ATF2: variants seen among roughly 807,000 people sequenced by gnomAD.
ATF2 encodes activating transcription factor 2, also known as cyclic AMP-dependent transcription factor ATF-2.
ATF2 carries 24 observed loss-of-function variants against 60.6 expected under a neutral mutation model. The ratio of observed to expected loss-of-function variants is 0.40; its 90% confidence interval spans 0.29 to 0.56. The LOEUF is 0.56. ATF2 is among the 20% of genes least tolerant of loss of function. ATF2 has a pLI of 0.54. For synonymous variants in ATF2, 206 were observed against 215.4 expected (o/e 0.96, Z 0.38); for missense variants, 433 against 607.7 (o/e 0.71, Z 3.02).
intron 1 of ATF2, among the ~76,000 whole-genome samples, chr2:175,154,074 T>C (rs7355452): frequency 0.26 from 38,779 of 150,328 alleles, 5,928 homozygotes; most frequent in African/African-American, 0.44. Context: ...AATTAGCCGG[T>C]GTGGTGGCAC....
At chr2:175,135,730 T>A (rs1157181099) in intron 3 of ATF2, among the ~76,000 whole-genome samples, 2 of 152,112 alleles carry the variant, frequency 1.3e-5, no homozygotes, top group Non-Finnish European at 2.9e-5. Flanking sequence ...AAAAGACATC[T>A]CTGAGTCAGG....
At position 175,114,852 on chromosome 2, in the gene ATF2, T is replaced by G. The variant is rs991793157; in HGVS notation, c.464A>C (p.Gln155Pro). The G allele has an allele frequency of 6.2e-7, 1 of 1,613,174 alleles. No individual in the cohort carries two copies. The highest frequency in any genetic ancestry group is 1.7e-5 in the Admixed American group (1 of 59,954). ...AATAGCTGATGTGGGCTGTGCAGTT[T>G]GTGCCAATGGTACTTCCTATTTAAC... ...TSDEKEVPLA[Q>P]TAQPTSAIVR... The change falls in exon 8 of 14, where the codon CAA (glutamine) becomes CCA (proline). Residue 155 changes from glutamine (Q) to proline (P), a missense_variant. Transcript: ENST00000264110.
chr2:175,113,306 A>G (rs1393797363), intron 9 of ATF2, among the ~76,000 whole-genome samples: 2 of 148,926 alleles, frequency 1.3e-5, no homozygotes, highest in Admixed American at 6.7e-5. Flanking sequence ...TTGCCCTGTC[A>G]TCCAGGCAGG....
chr2:175,121,838 T>C (rs1696975741), intron 4 of ATF2, among the ~76,000 whole-genome samples: 1 of 151,754 alleles, frequency 6.6e-6, no homozygotes, highest in African/African-American at 2.4e-5. Flanking sequence ...TTCTTATGGA[T>C]ACTAAAAATA....
At chr2:175,156,481 T>C (rs1699697292) in intron 1 of ATF2, among the ~76,000 whole-genome samples, 1 of 151,664 alleles carries the variant, frequency 6.6e-6, no homozygotes, top group South Asian at 2.1e-4. Flanking sequence ...GCTGAGAACT[T>C]TCTCCATCTG....
intron 13 of ATF2, 133 bp from the exon 14 acceptor site, chr2:175,074,968 A>T: frequency 1.3e-6 from 2 of 1,523,386 alleles, no homozygotes. Context: ...TATTACAGCA[A>T]TTGATATAGG....
chr2:175,102,142 G>C (rs951110254), intron 10 of ATF2, among the ~76,000 whole-genome samples: 20 of 152,182 alleles, frequency 1.3e-4, no homozygotes, highest in African/African-American at 4.3e-4. Flanking sequence ...GGAGCTAGCA[G>C]AGATAATGAA....
At chr2:175,083,915 G>A (rs1693949262) in intron 12 of ATF2, among the ~76,000 whole-genome samples, 1 of 152,150 alleles carries the variant, frequency 6.6e-6, no homozygotes. Flanking sequence ...CTGGCCATCG[G>A]AGAAATGCAA....
At position 175,101,973 on chromosome 2, in the gene ATF2, C is replaced by T. The variant is rs80212522; in HGVS notation, c.829-4380G>A. 3.5e-3 allele frequency among the ~76,000 whole-genome samples: 537 copies of T among 152,162 alleles called. 2 individuals carry two copies. Among genetic ancestry groups the T allele is most frequent in the African/African-American group, 0.012 (508 of 41,522 alleles). On this transcript the variant is annotated intron_variant, in intron 10 of 13. Transcript: ENST00000264110. ...TAGACTTAGGTCAAAAAAGCAGTCA[C>T]TAAATATCATTCATATAAATTTTAC...
At chr2:175,155,572 C>G (rs755655682) in intron 1 of ATF2, among the ~76,000 whole-genome samples, 1 of 151,974 alleles carries the variant, frequency 6.6e-6, no homozygotes, top group Admixed American at 6.6e-5. Context: ...AGAGGGAGTT[C>G]CGCAAGAATG....
intron 4 of ATF2, among the ~76,000 whole-genome samples, chr2:175,129,926 C>T (rs77844968): frequency 7.9e-5 from 12 of 151,910 alleles, no homozygotes; most frequent in South Asian, 4.1e-4. Flanking sequence ...AATGCTCCCC[C>T]CCTCCGTATT....
intron 10 of ATF2, among the ~76,000 whole-genome samples, chr2:175,106,639 CA>C (rs1695685539): frequency 6.6e-6 from 1 of 151,856 alleles, no homozygotes; most frequent in Non-Finnish European, 1.5e-5. Flanking sequence ...AGTTCGAGAC[CA>C]GCCTGGCCAA....
intron 3 of ATF2, among the ~76,000 whole-genome samples, chr2:175,133,610 CG>C (rs1053351659): frequency 6.6e-6 from 1 of 152,174 alleles, no homozygotes; most frequent in African/African-American, 2.4e-5. Flanking sequence ...CAGGACTTTT[CG>C]TGACCTTAAT....
chr2:175,108,079 G>T (rs1457383751), intron 10 of ATF2, among the ~76,000 whole-genome samples: 1 of 151,344 alleles, frequency 6.6e-6, no homozygotes, highest in Non-Finnish European at 1.5e-5. Context: ...TCTGGGAAGT[G>T]AGGAGCGCCT....
At chr2:175,167,847 T>G (rs1700475156) in intron 1 of ATF2, 1 of 411,838 alleles carries the variant, frequency 2.4e-6, no homozygotes, top group Non-Finnish European at 5.2e-6. Flanking sequence ...GCCAGTCAGG[T>G]TCCCAAAGCC....
chr2:175,153,169 T>C (rs1433728927), intron 1 of ATF2, among the ~76,000 whole-genome samples: 1 of 152,222 alleles, frequency 6.6e-6, no homozygotes, highest in African/African-American at 2.4e-5. Context: ...ACATGCAATG[T>C]TAAGATAATC....
intron 13 of ATF2, among the ~76,000 whole-genome samples, chr2:175,079,719 T>C (rs556014588): frequency 6.6e-6 from 1 of 152,298 alleles, no homozygotes; most frequent in African/African-American, 2.4e-5. Context: ...CGTGAGCACC[T>C]GAGGAACTGT....
intron 1 of ATF2, among the ~76,000 whole-genome samples, chr2:175,159,010 C>T (rs1412699340): frequency 1.3e-5 from 2 of 152,092 alleles, no homozygotes; most frequent in Non-Finnish European, 1.5e-5. Flanking sequence ...ACTACATACT[C>T]AGTTTGACTT....
In ATF2 at chr2:175,074,699, G is replaced by C. The variant is rs1190531759; in HGVS notation, c.1428C>G (p.Val476=). 1.2e-6 allele frequency: 2 copies of C among 1,613,498 alleles called. No homozygotes were observed. The highest frequency in any genetic ancestry group is 1.7e-6 in the Non-Finnish European group (2 of 1,179,704). The stretch of plus-strand genomic sequence containing the variant: ...TACTCTGGTCCGCCATCTGGGTGAG[G>C]ACTGAAGTGGCTACAGCTTCTGCCT... The part of the protein sequence containing the change: ...TSKAEAVATS[V]LTQMADQSTE... Residue 476 remains valine (V), a synonymous_variant, in exon 14 of 14, where the codon GTC becomes GTG. Transcript: ENST00000264110.
Sources: allele counts gnomAD v4.1 joint callset (sites outside exome capture counted in the v4.1 genomes callset), GRCh38; gene constraint gnomAD v4.1.1; transcripts MANE v1.5; gene names NCBI Gene and HGNC (gene_info 2026-07-23, HGNC 2026-07-21).